Variants in MAML3 observed in about 807,000 individuals in gnomAD.
MAML3 encodes the protein mastermind like transcriptional coactivator 3, also known as mastermind-like protein 3.
Under a neutral mutation model 101.9 loss-of-function variants are expected in MAML3, and 27 were observed. That is an observed-to-expected ratio of 0.27 (90% confidence interval 0.20 to 0.37). The LOEUF is 0.37. Ranked by LOEUF, MAML3 falls within the 10% of genes least tolerant of loss-of-function variation. The pLI, the probability that MAML3 is intolerant of heterozygous loss-of-function variation, is 1.00. For synonymous variants in MAML3, 501 were observed against 555.9 expected (o/e 0.90, Z 1.39); for missense variants, 1,316 against 1,444.9 (o/e 0.91, Z 1.45).
At chr4:139,752,974 G>A (rs1729548545) in intron 2 of MAML3, among the ~76,000 whole-genome samples, 1 of 152,138 alleles carries the variant, frequency 6.6e-6, no homozygotes, top group South Asian at 2.1e-4. Context: ...TATCTGCTAG[G>A]TCAAGATAAT....
chr4:139,840,867 T>G (rs1187905478), intron 2 of MAML3, among the ~76,000 whole-genome samples: 1 of 152,220 alleles, frequency 6.6e-6, no homozygotes, highest in Non-Finnish European at 1.5e-5. Context: ...GTGTGCATTG[T>G]CCTGCACATA....
Position 139,785,329 on chromosome 4 carries a change from A to G in MAML3, c.2080-54662T>C, listed in dbSNP as rs1224801932. Among the ~76,000 whole-genome samples, 1 of 152,216 alleles carries G rather than the reference A, an allele frequency of 6.6e-6. No homozygotes were observed. The highest frequency in any genetic ancestry group is 1.5e-5 in the Non-Finnish European group (1 of 68,040). On this transcript the variant is annotated intron_variant, in intron 2 of 4. Coordinates refer to ENST00000509479, the MANE Select transcript of MAML3 (RefSeq NM_018717.5). This position sits in a 1 kb window ranked among gnomAD's most constrained non-coding sequence, Gnocchi z 4.3. ...ATATTAATAATCAGAGTTCACTTTC[A>G]TAGGGCTCTGGGCAGAAAATAAAAT...
At chr4:139,993,170 G>T (rs1734713380) in intron 1 of MAML3, among the ~76,000 whole-genome samples, 1 of 151,886 alleles carries the variant, frequency 6.6e-6, no homozygotes. Flanking sequence ...TGGCCAACAG[G>T]ATGAAACCCC....
At chr4:139,999,477 C>G (rs1445943626) in intron 1 of MAML3, among the ~76,000 whole-genome samples, 1 of 152,200 alleles carries the variant, frequency 6.6e-6, no homozygotes, top group Non-Finnish European at 1.5e-5. Context: ...AAATGCTTCC[C>G]CGATTGTCGT....
chr4:139,828,712 CTTT>C (rs996757226), intron 2 of MAML3, among the ~76,000 whole-genome samples: 5,025 of 128,594 alleles, frequency 0.039, 256 homozygotes, highest in African/African-American at 0.13. Flanking sequence ...AGATGCACTT[CTTT>C]TTTTTTTTTT....
chr4:139,990,722 T>A (rs1734652868), intron 1 of MAML3, among the ~76,000 whole-genome samples: 3 of 152,064 alleles, frequency 2.0e-5, no homozygotes, highest in Non-Finnish European at 2.9e-5. Flanking sequence ...ACAAAATCAA[T>A]GTACAAAAAT....
chr4:139,772,016 G>A (rs552996202), intron 2 of MAML3, among the ~76,000 whole-genome samples: 378 of 150,978 alleles, frequency 2.5e-3, no homozygotes, highest in Non-Finnish European at 4.2e-3. Flanking sequence ...GAGGTGGGCG[G>A]ATCACGAGGT....
chr4:140,000,334 GA>G (rs754334381), intron 1 of MAML3, among the ~76,000 whole-genome samples: 20 of 138,942 alleles, frequency 1.4e-4, no homozygotes, highest in African/African-American at 2.6e-4. Context: ...TATCCCTGAA[GA>G]AAAAAAAAAA....
chr4:140,102,446 T>A (rs923722531), intron 1 of MAML3, among the ~76,000 whole-genome samples: 8 of 152,332 alleles, frequency 5.3e-5, no homozygotes, highest in African/African-American at 1.7e-4. Context: ...TCCTGAGGCC[T>A]CTATCCTTGG....
chr4:140,102,940 T>A (rs914915575), intron 1 of MAML3, among the ~76,000 whole-genome samples: 1 of 152,108 alleles, frequency 6.6e-6, no homozygotes, highest in Non-Finnish European at 1.5e-5. Context: ...AAATGTAAAA[T>A]CCAGAAAAAC....
At chr4:140,110,115 G>A (rs772228078) in intron 1 of MAML3, among the ~76,000 whole-genome samples, 1 of 152,224 alleles carries the variant, frequency 6.6e-6, no homozygotes, top group East Asian at 1.9e-4. Context: ...GAATGCACCA[G>A]CCAGCAAGAA....
At chr4:139,979,187 T>G (rs1249795181) in intron 1 of MAML3, among the ~76,000 whole-genome samples, 1 of 152,248 alleles carries the variant, frequency 6.6e-6, no homozygotes, top group Non-Finnish European at 1.5e-5. Flanking sequence ...AACTAAGGAT[T>G]AGAATGATTT....
intron 1 of MAML3, among the ~76,000 whole-genome samples, chr4:139,936,574 G>A (rs1560842006): frequency 6.6e-6 from 1 of 152,060 alleles, no homozygotes; most frequent in Non-Finnish European, 1.5e-5. Flanking sequence ...GCACACACTT[G>A]TAGTTCCACC....
intron 2 of MAML3, among the ~76,000 whole-genome samples, chr4:139,820,697 A>C (rs1730958409): frequency 6.6e-6 from 1 of 152,220 alleles, no homozygotes; most frequent in African/African-American, 2.4e-5. Context: ...CTATGTTATC[A>C]AAAACTCTTC....
chr4:140,067,203 G>A (rs907901053), intron 1 of MAML3, among the ~76,000 whole-genome samples: 1 of 86,552 alleles, frequency 1.2e-5, no homozygotes, highest in African/African-American at 3.0e-5. Context: ...TTTTAGGGGT[G>A]TGTGTGTGTG....
At position 139,719,489 on chromosome 4, in the gene MAML3, T is replaced by C. The variant is rs1474217307; in HGVS notation, c.3251A>G (p.Tyr1084Cys). The change falls in exon 5 of 5, where the codon TAT (tyrosine) becomes TGT (cysteine). Residue 1084 changes from tyrosine to cysteine, a missense_variant. Coordinates refer to ENST00000509479, the MANE Select transcript of MAML3 (RefSeq NM_018717.5). ...CACGTCCTGAGGGGCATTCCGCTCA[T>C]AGGCTTGGCTCTGGCTGCTTGGAGC... Reference protein sequence around the residue: ...SFAPSSQSQAYERNAPQDVSY... With the variant: ...SFAPSSQSQACERNAPQDVSY... 2 of 1,613,928 alleles carry C rather than the reference T, an allele frequency of 1.2e-6. No individual in the cohort carries two copies. The highest frequency in any genetic ancestry group is 2.2e-5 in the East Asian group (1 of 44,884).
chr4:140,138,577 C>G (rs1728934552), intron 1 of MAML3, among the ~76,000 whole-genome samples: 1 of 152,118 alleles, frequency 6.6e-6, no homozygotes, highest in African/African-American at 2.4e-5. Context: ...CTGCACACAC[C>G]ACCGTGAGGA....
intron 1 of MAML3, among the ~76,000 whole-genome samples, chr4:139,970,957 G>C (rs1734224771): frequency 6.6e-6 from 1 of 152,114 alleles, no homozygotes; most frequent in Non-Finnish European, 1.5e-5. Flanking sequence ...CATAATCACA[G>C]ATGAGAAAAT....
intron 1 of MAML3, among the ~76,000 whole-genome samples, chr4:139,993,125 G>A (rs1734712601): frequency 1.3e-5 from 2 of 152,138 alleles, no homozygotes; most frequent in African/African-American, 4.8e-5. Flanking sequence ...GCTGAGGCGG[G>A]CAGATCTCTT....
Sources: gnomAD v4.1 joint callset for allele counts (sites outside exome capture counted in the v4.1 genomes callset) on GRCh38, gnomAD v4.1.1 for gene constraint, Gnocchi (gnomAD v3.1) non-coding constraint, MANE v1.5 for transcripts, NCBI Gene and HGNC (gene_info 2026-07-23, HGNC 2026-07-21) for gene names.